Variants in GALNTL6 observed in about 807,000 individuals in gnomAD.
The protein encoded by GALNTL6 is polypeptide N-acetylgalactosaminyltransferase like 6.
GALNTL6 carries 46 observed loss-of-function variants against 73.7 expected under a neutral mutation model. That is an observed-to-expected ratio of 0.62 (90% CI 0.49 to 0.80). The LOEUF is 0.80. GALNTL6 is among the 30% of genes least tolerant of loss of function. The pLI is 0.00. For synonymous variants in GALNTL6, 259 were observed against 263.7 expected, an observed-to-expected ratio of 0.98 and a Z score of 0.17; for missense variants, 604 against 755.0, an observed-to-expected ratio of 0.80 and a Z score of 2.34.
intron 4 of GALNTL6, among the ~76,000 whole-genome samples, chr4:172,347,125 G>A (rs333402): frequency 0.11 from 16,049 of 151,696 alleles, 873 homozygotes; most frequent in East Asian, 0.18. Flanking sequence ...GAGTAGCTAG[G>A]ATGACAGGCG....
At chr4:172,047,486 G>C (rs1358081402) in intron 2 of GALNTL6, among the ~76,000 whole-genome samples, 2 of 152,010 alleles carry the variant, frequency 1.3e-5, no homozygotes, top group Non-Finnish European at 2.9e-5. Flanking sequence ...TTTTCCACCT[G>C]AGAACAAAGC....
At chr4:172,057,659 A>G (rs1429378496) in intron 2 of GALNTL6, among the ~76,000 whole-genome samples, 3 of 142,714 alleles carry the variant, frequency 2.1e-5, no homozygotes, top group Non-Finnish European at 4.5e-5. Context: ...GTGAGGAGAG[A>G]CTGCCCACTG....
intron 5 of GALNTL6, among the ~76,000 whole-genome samples, chr4:172,683,424 A>T (rs987462473): frequency 6.6e-6 from 1 of 152,336 alleles, no homozygotes; most frequent in African/African-American, 2.4e-5. Context: ...TATGCATCCA[A>T]TATAACTATT....
chr4:172,597,811 A>C (rs1416100908), intron 5 of GALNTL6, among the ~76,000 whole-genome samples: 1 of 152,158 alleles, frequency 6.6e-6, no homozygotes, highest in Admixed American at 6.5e-5. Context: ...ATTAAATCAC[A>C]CAAAAAGTAT....
At chr4:171,891,723 T>A (rs1560828759) in intron 2 of GALNTL6, among the ~76,000 whole-genome samples, 1 of 152,202 alleles carries the variant, frequency 6.6e-6, no homozygotes, top group Non-Finnish European at 1.5e-5. Context: ...GACAGTGCTT[T>A]TATGGTATCT....
intron 2 of GALNTL6, among the ~76,000 whole-genome samples, chr4:171,897,446 C>T (rs1018254033): frequency 1.3e-5 from 2 of 152,166 alleles, no homozygotes; most frequent in African/African-American, 2.4e-5. Flanking sequence ...TAGATACAAA[C>T]ACACACAACA....
intron 2 of GALNTL6, among the ~76,000 whole-genome samples, chr4:172,161,502 G>A (rs1049381587): frequency 6.6e-6 from 1 of 152,002 alleles, no homozygotes; most frequent in African/African-American, 2.4e-5. Context: ...GCAGTACAGA[G>A]AAACCATTTT....
intron 4 of GALNTL6, among the ~76,000 whole-genome samples, chr4:172,338,299 C>T (rs922411996): frequency 2.0e-5 from 3 of 151,984 alleles, no homozygotes; most frequent in Non-Finnish European, 1.5e-5. Flanking sequence ...AGAGAGTGAG[C>T]GTGATCCTTT....
chr4:172,538,519 A>C (rs1342568203), intron 5 of GALNTL6, among the ~76,000 whole-genome samples: 1 of 152,114 alleles, frequency 6.6e-6, no homozygotes, highest in East Asian at 1.9e-4. Flanking sequence ...AGAAGAGGCC[A>C]CTTTCCCTGA....
At chr4:171,833,014 T>A (rs965405572) in intron 2 of GALNTL6, among the ~76,000 whole-genome samples, 1 of 151,796 alleles carries the variant, frequency 6.6e-6, no homozygotes, top group African/African-American at 2.4e-5. Flanking sequence ...TTAATCAATA[T>A]AAAATATCAT....
intron 3 of GALNTL6, among the ~76,000 whole-genome samples, chr4:172,278,643 T>C (rs975094140): frequency 2.0e-5 from 3 of 152,124 alleles, no homozygotes; most frequent in African/African-American, 7.2e-5. Flanking sequence ...AGAAGGAGCA[T>C]AGAAAAAATA....
intron 2 of GALNTL6, among the ~76,000 whole-genome samples, chr4:171,877,588 A>G (rs1020513176): frequency 1.2e-4 from 18 of 152,058 alleles, no homozygotes; most frequent in African/African-American, 3.9e-4. Flanking sequence ...ACCTTCTTTC[A>G]TACAGTAGGA....
intron 2 of GALNTL6, among the ~76,000 whole-genome samples, chr4:172,007,811 G>T (rs959811305): frequency 6.6e-6 from 1 of 152,012 alleles, no homozygotes; most frequent in Admixed American, 6.6e-5. Flanking sequence ...CCCCTTTTCT[G>T]TCCTTAAACT....
chr4:172,641,558 T>C (rs1739983851), intron 5 of GALNTL6, among the ~76,000 whole-genome samples: 1 of 152,042 alleles, frequency 6.6e-6, no homozygotes, highest in Admixed American at 6.6e-5. Context: ...CATGGCTCGC[T>C]CCTTCACCTT....
At chr4:173,002,766 G>C (rs2126479843) in intron 10 of GALNTL6, among the ~76,000 whole-genome samples, 1 of 139,796 alleles carries the variant, frequency 7.2e-6, no homozygotes, top group East Asian at 2.1e-4. Flanking sequence ...CTGCACTCCA[G>C]CCTGGGGGAC....
intron 2 of GALNTL6, among the ~76,000 whole-genome samples, chr4:171,830,109 G>A (rs1253917790): frequency 2.0e-5 from 3 of 152,014 alleles, no homozygotes; most frequent in Admixed American, 6.6e-5. Context: ...ATGTGCAGAC[G>A]AAGGCAGGAA....
At chr4:172,085,067 G>C (rs112351183) in intron 2 of GALNTL6, among the ~76,000 whole-genome samples, 135 of 152,100 alleles carry the variant, frequency 8.9e-4, no homozygotes, top group Non-Finnish European at 1.5e-3. Context: ...AGAATATATT[G>C]TAAGCAAAAA....
intron 2 of GALNTL6, among the ~76,000 whole-genome samples, chr4:172,060,079 T>C (rs910433712): frequency 6.6e-6 from 1 of 152,234 alleles, no homozygotes; most frequent in African/African-American, 2.4e-5. Flanking sequence ...TAAAATGTTC[T>C]TTTTCTTTTT....
rs1280946380 is a variant in GALNTL6 at position 172,809,233 on chromosome 4, G to C, written c.554-128G>C. On this transcript the variant is annotated intron_variant, in intron 5 of 12. Transcript: ENST00000506823. This position sits in a 1 kb window ranked among gnomAD's most constrained non-coding sequence, Gnocchi z 4.4. ...AAATCTTACTAGTATCTCCCATCTA[G>C]ATGAGGAGACAAGAATGTTACCCCA... is the stretch of plus-strand genomic sequence containing the variant. 1.1e-5 allele frequency: 8 copies of C among 702,848 alleles called. No homozygotes were observed. The highest frequency in any genetic ancestry group is 1.9e-5 in the Non-Finnish European group (8 of 410,864). 43.5% of individuals were successfully genotyped at this position (702,848 alleles called of 1,614,324 possible).
Sources: gnomAD v4.1 joint callset for allele counts (sites outside exome capture counted in the v4.1 genomes callset) on GRCh38, gnomAD v4.1.1 for gene constraint, Gnocchi (gnomAD v3.1) non-coding constraint, MANE v1.5 for transcripts, NCBI Gene and HGNC (gene_info 2026-07-23, HGNC 2026-07-21) for gene names.